Variants in IGF1R observed in about 807,000 individuals in gnomAD.
IGF1R encodes insulin-like growth factor 1 receptor.
Under a neutral mutation model 144.6 loss-of-function variants are expected in IGF1R, and 44 were observed. The ratio of observed to expected loss-of-function variants is 0.30; its 90% confidence interval spans 0.24 to 0.39. The LOEUF (loss-of-function observed/expected upper bound fraction) is 0.39. IGF1R is among the 10% of genes least tolerant of loss of function. The pLI is 1.00. For missense variants in IGF1R, 1,355 were observed against 1,833.7 expected (o/e 0.74, Z 4.77); for synonymous variants, 795 against 722.8 (o/e 1.10, Z -1.60).
intron 10 of IGF1R, 95 bp downstream of exon 10, chr15:98,916,971 C>CT: frequency 9.5e-7 from 1 of 1,047,124 alleles, no homozygotes; most frequent in Non-Finnish European, 1.5e-6. Context: ...AAGTCAGCAG[C>CT]TGGGGGGTAC....
At chr15:98,940,458 C>T (rs1197372682) in intron 18 of IGF1R, among the ~76,000 whole-genome samples, 1 of 152,214 alleles carries the variant, frequency 6.6e-6, no homozygotes, top group Non-Finnish European at 1.5e-5. Context: ...AGCTGGAGTG[C>T]AGTGGCACAA....
intron 2 of IGF1R, among the ~76,000 whole-genome samples, chr15:98,744,034 T>A (rs770655975): frequency 6.6e-6 from 1 of 152,130 alleles, no homozygotes. Context: ...TTGCAGATAC[T>A]GGGTTTGAGA....
At chr15:98,746,972 C>G (rs986122009) in intron 2 of IGF1R, among the ~76,000 whole-genome samples, 1 of 152,174 alleles carries the variant, frequency 6.6e-6, no homozygotes, top group South Asian at 2.1e-4. Context: ...AACCTATGCT[C>G]TCTTGATGGA....
chr15:98,956,387 G>A (rs893471758), intron 20 of IGF1R, among the ~76,000 whole-genome samples: 6 of 152,240 alleles, frequency 3.9e-5, no homozygotes, highest in Non-Finnish European at 8.8e-5. Flanking sequence ...GGGGCCTCTC[G>A]TTTGGTCCAG....
intron 2 of IGF1R, among the ~76,000 whole-genome samples, chr15:98,838,600 C>G (rs576451761): frequency 6.6e-6 from 1 of 152,314 alleles, no homozygotes; most frequent in African/African-American, 2.4e-5. Flanking sequence ...AAGACTTTTC[C>G]AGTACTCTAA....
intron 1 of IGF1R, chr15:98,660,733 T>C (rs1264176901): frequency 6.6e-6 from 1 of 152,166 alleles, no homozygotes; most frequent in Admixed American, 6.5e-5. Flanking sequence ...CCTGGAAGGG[T>C]AATTTGTGAG....
chr15:98,868,340 A>AAAAAAAAAAAAAGCC (rs1288102919), intron 2 of IGF1R, among the ~76,000 whole-genome samples: 1 of 138,664 alleles, frequency 7.2e-6, no homozygotes, highest in Non-Finnish European at 1.5e-5. Context: ...AAAAAAAAAA[A>AAAAAAAAAAAAAGCC]AAAAGCCAAA....
intron 19 of IGF1R, among the ~76,000 whole-genome samples, chr15:98,945,183 G>A (rs1029451726): frequency 6.6e-5 from 10 of 152,210 alleles, no homozygotes; most frequent in African/African-American, 2.4e-4. Context: ...TTCTTCCCGA[G>A]CATCTGGATC....
In IGF1R at chr15:98,780,038, A is replaced by G. The variant is rs118021991; in HGVS notation, c.640+71931A>G. Among the ~76,000 whole-genome samples, 1,229 of 151,790 alleles carry G rather than the reference A, an allele frequency of 8.1e-3. 9 individuals carry two copies. Among genetic ancestry groups the G allele is most frequent in the Middle Eastern group, 0.017 (5 of 292 alleles). ...GGAGGTTATCCGACATACCTCACAC[A>G]CTTTAACTCCACCTCTTCAGAGTTT... On this transcript the variant is annotated intron_variant, in intron 2 of 20. Transcript: ENST00000650285.
chr15:98,850,025 T>C (rs1010135719), intron 2 of IGF1R, among the ~76,000 whole-genome samples: 1 of 152,192 alleles, frequency 6.6e-6, no homozygotes, highest in African/African-American at 2.4e-5. Flanking sequence ...CCACCAATCT[T>C]AGAGGGGGCA....
At chr15:98,902,941 A>C in intron 5 of IGF1R, among the ~76,000 whole-genome samples, 1 of 152,314 alleles carries the variant, frequency 6.6e-6, no homozygotes, top group South Asian at 2.1e-4. Flanking sequence ...TACATAGAGT[A>C]GAGCTCTTAT....
chr15:98,947,906 C>G (rs1050705903), intron 19 of IGF1R, among the ~76,000 whole-genome samples: 1 of 152,130 alleles, frequency 6.6e-6, no homozygotes, highest in South Asian at 2.1e-4. Context: ...CTCCCTTGGC[C>G]CAACTGGACC....
chr15:98,830,205 C>T (rs2063846137), intron 2 of IGF1R, among the ~76,000 whole-genome samples: 1 of 152,218 alleles, frequency 6.6e-6, no homozygotes, highest in African/African-American at 2.4e-5. Flanking sequence ...AGCAGTGTTC[C>T]TGCCCTTTTC....
At chr15:98,798,558 G>C (rs1390339711) in intron 2 of IGF1R, among the ~76,000 whole-genome samples, 1 of 152,184 alleles carries the variant, frequency 6.6e-6, no homozygotes, top group Non-Finnish European at 1.5e-5. Flanking sequence ...GTGTAGGGCA[G>C]AGAAGATGAA....
intron 5 of IGF1R, among the ~76,000 whole-genome samples, chr15:98,908,385 G>A (rs530397960): frequency 1.2e-4 from 19 of 152,284 alleles, no homozygotes; most frequent in African/African-American, 4.6e-4. Context: ...ATAACCAAAG[G>A]CATTTCTTGG....
rs2017220445 is a variant in IGF1R, at chr15:98,961,405, TAA to T, written c.*3966_*3967del. 1 of 233,444 alleles carries T rather than the reference TAA, an allele frequency of 4.3e-6. No homozygotes were observed. The highest frequency in any genetic ancestry group is 5.6e-5 in the Admixed American group (1 of 17,802). 14.5% of individuals were successfully genotyped at this position (233,444 alleles called of 1,614,324 possible). A position where few individuals can be genotyped will look rare whatever the true frequency, so the allele number is the denominator to read the frequency against. On this transcript the variant is annotated 3_prime_UTR_variant, in exon 21 of 21. Coordinates refer to ENST00000650285, the MANE Select transcript of IGF1R (RefSeq NM_000875.5). Reference sequence around the variant, plus strand: ...AGCAAATGCTTCAGAAACACCTCAATAAAAGAGAAAACTTGGCTTGTGTGATG... The same window carrying T: ...AGCAAATGCTTCAGAAACACCTCAATAAGAGAAAACTTGGCTTGTGTGATG...
chr15:98,782,775 A>G (rs1266312769), intron 2 of IGF1R, among the ~76,000 whole-genome samples: 2 of 152,222 alleles, frequency 1.3e-5, no homozygotes, highest in East Asian at 1.9e-4. Context: ...GTTGCTCAAT[A>G]ATAGACTTAG....
intron 2 of IGF1R, among the ~76,000 whole-genome samples, chr15:98,879,251 A>G (rs979819004): frequency 6.6e-5 from 10 of 152,220 alleles, no homozygotes; most frequent in African/African-American, 2.4e-4. Context: ...ATTTCAGAGT[A>G]CACTAGAATA....
intron 2 of IGF1R, among the ~76,000 whole-genome samples, chr15:98,755,692 C>G (rs2055131859): frequency 8.3e-6 from 1 of 121,170 alleles, no homozygotes; most frequent in Non-Finnish European, 1.6e-5. Flanking sequence ...GCACTCCAGC[C>G]TGAATGACAG....
Sources: allele counts gnomAD v4.1 joint callset (sites outside exome capture counted in the v4.1 genomes callset), GRCh38; gene constraint gnomAD v4.1.1; transcripts MANE v1.5; gene names NCBI Gene and HGNC (gene_info 2026-07-23, HGNC 2026-07-21).